SCIN: variants seen among roughly 807,000 people sequenced by gnomAD.
SCIN encodes the protein scinderin.
In SCIN, 91 loss-of-function variants were observed where a neutral mutation model predicts 91.8. That is an observed-to-expected ratio of 0.99 (90% CI 0.84 to 1.18). The LOEUF is 1.18. SCIN is among the 50% of genes most tolerant of loss of function. The pLI is 0.00. For missense variants in SCIN, 1,087 were observed against 863.9 expected, an observed-to-expected ratio of 1.26 and a Z score of -3.24; for synonymous variants, 367 against 312.6, an observed-to-expected ratio of 1.17 and a Z score of -1.84.
chr7:12,615,699 C>G (rs1188986977), intron 4 of SCIN, among the ~76,000 whole-genome samples: 2 of 151,912 alleles, frequency 1.3e-5, no homozygotes, highest in Non-Finnish European at 2.9e-5. Context: ...AATTGAGGTA[C>G]ACATTTTTTT....
intron 1 of SCIN, 61 bp from the exon 2 acceptor site, chr7:12,578,003 A>G (rs1782410406): frequency 7.1e-7 from 1 of 1,414,006 alleles, no homozygotes; most frequent in African/African-American, 1.5e-5. Flanking sequence ...TTCATATCAG[A>G]AATTCTGCCT....
At chr7:12,601,951 T>G (rs536261428) in intron 3 of SCIN, among the ~76,000 whole-genome samples, 1 of 152,228 alleles carries the variant, frequency 6.6e-6, no homozygotes, top group Non-Finnish European at 1.5e-5. Flanking sequence ...CATCCTCTTA[T>G]TGATGGGCAT....
chr7:12,644,768 C>G, intron 13 of SCIN, 63 bp downstream of exon 13: 1 of 1,508,932 alleles, frequency 6.6e-7, no homozygotes, highest in Admixed American at 2.0e-5. Context: ...GTAATCCCAG[C>G]ACTTTGGGAG....
chr7:12,600,714 CA>C (rs1340441932), intron 3 of SCIN, among the ~76,000 whole-genome samples: 1 of 152,130 alleles, frequency 6.6e-6, no homozygotes, highest in Non-Finnish European at 1.5e-5. Flanking sequence ...CAGAGTACAT[CA>C]CACTTGGCAC....
intron 15 of SCIN, among the ~76,000 whole-genome samples, chr7:12,652,293 A>G (rs771607725): frequency 6.6e-5 from 10 of 152,210 alleles, no homozygotes; most frequent in Non-Finnish European, 1.5e-4. Context: ...TTATGCCACA[A>G]GGACAATTCC....
At chr7:12,639,059 C>T (rs1783807294) in intron 10 of SCIN, among the ~76,000 whole-genome samples, 1 of 152,178 alleles carries the variant, frequency 6.6e-6, no homozygotes, top group Non-Finnish European at 1.5e-5. Flanking sequence ...ATGGCAGTAG[C>T]TTACAATAAT....
chr7:12,598,815 A>G (rs1464703410), intron 3 of SCIN, among the ~76,000 whole-genome samples: 2 of 152,188 alleles, frequency 1.3e-5, no homozygotes, highest in Non-Finnish European at 2.9e-5. Context: ...AGGCTGAGGC[A>G]GGAGGATTTC....
At chr7:12,602,593 C>T (rs1782981192) in intron 3 of SCIN, among the ~76,000 whole-genome samples, 5 of 152,140 alleles carry the variant, frequency 3.3e-5, no homozygotes, top group Non-Finnish European at 2.9e-5. Context: ...AGATCTCCCC[C>T]AAGGAATGCA....
Position 12,601,180 on chromosome 7 carries a change from C to T in SCIN, c.517-3334C>T, listed in dbSNP as rs117807341. Among the ~76,000 whole-genome samples, 433 of 152,136 alleles carry T rather than the reference C, an allele frequency of 2.8e-3. 1 individual carries two copies. The highest frequency in any genetic ancestry group is 4.8e-3 in the Admixed American group (73 of 15,274). ...TGTGTATTTTATTCTTAAAGAGGAC[C>T]GTGGATTAGGTCATCAGGAATGTTA... On this transcript the variant is annotated intron_variant, in intron 3 of 15. Coordinates refer to ENST00000297029, the MANE Select transcript of SCIN (RefSeq NM_001112706.3).
intron 11 of SCIN, 96 bp from the exon 12 acceptor site, chr7:12,644,042 G>A (rs1164950803): frequency 1.4e-5 from 15 of 1,094,490 alleles, no homozygotes; most frequent in African/African-American, 3.1e-5. Context: ...GGCAGAAGGC[G>A]ATGTATGGTT....
Position 12,622,908 on chromosome 7 carries a change from AC to A in SCIN, c.759+17del, listed in dbSNP as rs1783439715. On this transcript the variant is annotated intron_variant, in intron 5 of 15. Transcript: ENST00000297029. ...AACTATACATGGTGAGTTCACTGTA[AC>A]CAAATTTATTGTTTCAACAGTACTG... 1 of 1,583,680 alleles carries A rather than the reference AC, an allele frequency of 6.3e-7. No individual in the cohort carries two copies. The highest frequency in any genetic ancestry group is 8.7e-7 in the Non-Finnish European group (1 of 1,154,270).
At position 12,649,539 on chromosome 7, in the gene SCIN, G is replaced by T; in HGVS notation, c.1954G>T (p.Glu652Ter). 1.3e-6 allele frequency: 2 copies of T among 1,593,194 alleles called. No homozygotes were observed. Among genetic ancestry groups the T allele is most frequent in the Non-Finnish European group, 1.7e-6 (2 of 1,168,118 alleles). ...EDDVMLLDAW[E>*]QIFIWIGKDA... ...TGATGTCATGTTACTAGATGCTTGG[G>T]AACAGGTAAAACTACATTTTGTTCA... The change falls in exon 14 of 16, where the codon GAA becomes TAA. Residue 652 changes from glutamate (E) to a stop codon, truncating the protein, a stop_gained. Coordinates refer to ENST00000297029, the MANE Select transcript of SCIN (RefSeq NM_001112706.3). LOFTEE classifies it high-confidence loss of function.
intron 10 of SCIN, among the ~76,000 whole-genome samples, chr7:12,637,246 C>A (rs1472001496): frequency 6.6e-6 from 1 of 152,072 alleles, no homozygotes; most frequent in African/African-American, 2.4e-5. Context: ...ATTAACAATT[C>A]GAATTAATAG....
At chr7:12,618,614 G>T (rs1256157068) in intron 4 of SCIN, among the ~76,000 whole-genome samples, 1 of 151,946 alleles carries the variant, frequency 6.6e-6, no homozygotes, top group Non-Finnish European at 1.5e-5. Flanking sequence ...CGGAATAACT[G>T]GTCATTTTAT....
chr7:12,634,635 A>G (rs1243505007), intron 9 of SCIN, among the ~76,000 whole-genome samples: 1 of 152,240 alleles, frequency 6.6e-6, no homozygotes, highest in Admixed American at 6.5e-5. Context: ...GTCAAATAGA[A>G]ATGGGAAACC....
chr7:12,613,883 C>T (rs975080025), intron 4 of SCIN, among the ~76,000 whole-genome samples: 1 of 152,024 alleles, frequency 6.6e-6, no homozygotes, highest in Non-Finnish European at 1.5e-5. Context: ...ATCTACTAAT[C>T]ATGAAAAAGG....
rs181980411 is a variant in SCIN, at chr7:12,597,981, C to T, written c.517-6533C>T. The stretch of plus-strand genomic sequence containing the variant: ...ATTTACAGGGCTTTTTTAAACATTG[C>T]TTCCCTAGAGAAATATGATATTTAG... On this transcript the variant is annotated intron_variant, in intron 3 of 15. Coordinates refer to ENST00000297029, the MANE Select transcript of SCIN (RefSeq NM_001112706.3). 3.0e-3 allele frequency among the ~76,000 whole-genome samples: 464 copies of T among 152,206 alleles called. 3 individuals carry two copies. Among genetic ancestry groups the T allele is most frequent in the African/African-American group, 0.011 (445 of 41,526 alleles).
intron 1 of SCIN, among the ~76,000 whole-genome samples, chr7:12,574,754 C>T (rs1403488076): frequency 6.6e-6 from 1 of 152,004 alleles, no homozygotes; most frequent in African/African-American, 2.4e-5. Flanking sequence ...TGTAGTAAAC[C>T]TTAGTATCAG....
intron 4 of SCIN, among the ~76,000 whole-genome samples, chr7:12,617,491 G>C (rs558488201): frequency 2.0e-5 from 3 of 152,028 alleles, no homozygotes; most frequent in Non-Finnish European, 2.9e-5. Context: ...GTCCAAAGTG[G>C]GTTTGAAGCC....
Sources: gnomAD v4.1 joint callset for allele counts (sites outside exome capture counted in the v4.1 genomes callset) on GRCh38, gnomAD v4.1.1 for gene constraint, MANE v1.5 for transcripts, NCBI Gene and HGNC (gene_info 2026-07-23, HGNC 2026-07-21) for gene names.